Variants in SLC41A3 observed in about 807,000 individuals in gnomAD.
SLC41A3 encodes solute carrier family 41 member 3, also known as SLC41A1-like 2.
SLC41A3 carries 44 observed loss-of-function variants against 45.4 expected under a neutral mutation model. The ratio of observed to expected loss-of-function variants is 0.97; its 90% CI spans 0.76 to 1.25. The LOEUF is 1.25. Ranked by LOEUF, SLC41A3 falls within the 50% of genes most tolerant of loss-of-function variation. The pLI is 0.00. For synonymous variants in SLC41A3, 256 were observed against 252.4 expected (o/e 1.01, Z -0.13); for missense variants, 550 against 600.6 (o/e 0.92, Z 0.88).
intron 1 of SLC41A3, chr3:126,095,085 G>T: frequency 1.9e-6 from 1 of 535,068 alleles, no homozygotes; most frequent in Non-Finnish European, 3.3e-6. Flanking sequence ...CAGCTGCAAA[G>T]CCAGAAGCAG....
chr3:126,082,493 C>T (rs1333478029), intron 1 of SLC41A3, among the ~76,000 whole-genome samples: 3 of 152,214 alleles, frequency 2.0e-5, no homozygotes, highest in Admixed American at 1.3e-4. Context: ...GACCCTTGTG[C>T]CTTGAAAGGG....
intron 2 of SLC41A3, among the ~76,000 whole-genome samples, chr3:126,065,069 G>A (rs1452145892): frequency 2.0e-5 from 3 of 152,262 alleles, no homozygotes; most frequent in African/African-American, 7.2e-5. Context: ...CTGATAGCCA[G>A]CAAGGAAATG....
At chr3:126,044,895 CAAAAAAAAAAAAAAA>C (rs57581225) in intron 3 of SLC41A3, among the ~76,000 whole-genome samples, 1 of 82,718 alleles carries the variant, frequency 1.2e-5, no homozygotes, top group African/African-American at 6.0e-5. Context: ...GACTCCATCT[CAAAAAAAAAAAAAAA>C]AAAAAAAAAA....
intron 6 of SLC41A3, among the ~76,000 whole-genome samples, chr3:126,020,698 C>CT (rs956407172): frequency 4.6e-5 from 7 of 152,150 alleles, no homozygotes; most frequent in African/African-American, 1.7e-4. Flanking sequence ...TCAATGCAGA[C>CT]TTTAAGTCCG....
intron 1 of SLC41A3, among the ~76,000 whole-genome samples, chr3:126,068,746 C>A (rs1161131858): frequency 6.6e-6 from 1 of 152,168 alleles, no homozygotes; most frequent in East Asian, 1.9e-4. Flanking sequence ...TGACAGCCTG[C>A]AACTGCAGTG....
chr3:126,028,572 G>C (rs1171562799), intron 4 of SLC41A3, among the ~76,000 whole-genome samples: 1 of 152,278 alleles, frequency 6.6e-6, no homozygotes, highest in African/African-American at 2.4e-5. Flanking sequence ...CTACTAGGCA[G>C]TGTTGGGGGA....
chr3:126,071,372 G>A (rs1159716139), intron 1 of SLC41A3, among the ~76,000 whole-genome samples: 1 of 152,034 alleles, frequency 6.6e-6, no homozygotes, highest in Non-Finnish European at 1.5e-5. Flanking sequence ...AATTACAAAC[G>A]TACATATGCC....
intron 1 of SLC41A3, among the ~76,000 whole-genome samples, chr3:126,069,216 G>C (rs970057593): frequency 3.9e-5 from 6 of 152,212 alleles, no homozygotes; most frequent in African/African-American, 1.4e-4. Context: ...AAGGCCCCAA[G>C]TTTGTACCTC....
intron 1 of SLC41A3, among the ~76,000 whole-genome samples, chr3:126,089,456 G>C (rs1027558476): frequency 1.3e-5 from 2 of 152,202 alleles, no homozygotes; most frequent in African/African-American, 4.8e-5. Context: ...AATGGGTACT[G>C]CATTTGACTG....
At chr3:126,023,480 AG>A in intron 5 of SLC41A3, 1 of 153,582 alleles carries the variant, frequency 6.5e-6, no homozygotes, top group Non-Finnish European at 1.4e-5. Flanking sequence ...GGCACAGGGG[AG>A]GGGGGCAGCG....
chr3:126,056,773 C>T, intron 2 of SLC41A3: 1 of 1,383,338 alleles, frequency 7.2e-7, no homozygotes, highest in Non-Finnish European at 9.3e-7. Context: ...TGACTCACGG[C>T]CTCATTACAG....
intron 8 of SLC41A3, 111 bp from the exon 9 acceptor site, chr3:126,012,860 T>G: frequency 4.1e-6 from 6 of 1,473,898 alleles, no homozygotes; most frequent in Non-Finnish European, 5.5e-6. Context: ...AATTCAGTAT[T>G]TCATTATCTT....
chr3:126,092,395 G>T (rs1416230015), intron 1 of SLC41A3, among the ~76,000 whole-genome samples: 1 of 152,202 alleles, frequency 6.6e-6, no homozygotes, highest in African/African-American at 2.4e-5. Context: ...TCCCATAAGG[G>T]ATACTTTTAG....
At chr3:126,023,175 C>A in intron 5 of SLC41A3, 1 of 535,932 alleles carries the variant, frequency 1.9e-6, no homozygotes, top group Middle Eastern at 5.1e-4. Context: ...CACTTTGTGA[C>A]CTGTGCACAT....
At chr3:126,032,923 C>T (rs1015032218) in intron 4 of SLC41A3, among the ~76,000 whole-genome samples, 7 of 152,166 alleles carry the variant, frequency 4.6e-5, no homozygotes, top group African/African-American at 1.2e-4. Context: ...ATAAAGCTAC[C>T]TCCTGTCTAT....
At chr3:126,072,979 A>C (rs1944697265) in intron 1 of SLC41A3, among the ~76,000 whole-genome samples, 1 of 152,238 alleles carries the variant, frequency 6.6e-6, no homozygotes, top group Non-Finnish European at 1.5e-5. Context: ...CATGGATGGA[A>C]CTGGAGGCCA....
At chr3:126,022,726 C>T in intron 6 of SLC41A3, 60 bp downstream of exon 6, 3 of 1,600,706 alleles carry the variant, frequency 1.9e-6, no homozygotes, top group Non-Finnish European at 2.6e-6. Flanking sequence ...TCAGTGGTGA[C>T]CTGCTCCAGG....
At position 126,026,237 on chromosome 3, in the gene SLC41A3, G is replaced by A; in HGVS notation, c.598+98C>T. On this transcript the variant is annotated intron_variant, in intron 5 of 10. Coordinates refer to ENST00000360370, the MANE Select transcript of SLC41A3 (RefSeq NM_017836.4). The surrounding 1 kb of genome is among the most constrained non-coding windows in gnomAD (Gnocchi z 4.2). ...CCACCATCAGTCCCATTAGCAGTGG[G>A]ACTCACACCCCCAGAAACTGAAAAC... The A allele has an allele frequency of 1.3e-6, 2 of 1,489,082 alleles. No individual in the cohort carries two copies. The highest frequency in any genetic ancestry group is 1.8e-6 in the Non-Finnish European group (2 of 1,109,826). The allele number at this position is 1,489,082 out of a possible 1,614,324, so 92.2% of individuals were successfully genotyped here. A position where few individuals can be genotyped will look rare whatever the true frequency, so the allele number is the denominator to read the frequency against.
intron 1 of SLC41A3, among the ~76,000 whole-genome samples, chr3:126,092,091 G>A (rs1275110537): frequency 6.6e-6 from 1 of 152,210 alleles, no homozygotes; most frequent in East Asian, 1.9e-4. Flanking sequence ...ATTTATACTG[G>A]TCCTGCTGGG....
Sources: allele counts gnomAD v4.1 joint callset (sites outside exome capture counted in the v4.1 genomes callset), GRCh38; gene constraint gnomAD v4.1.1; non-coding constraint Gnocchi (gnomAD v3.1); transcripts MANE v1.5; gene names NCBI Gene and HGNC (gene_info 2026-07-23, HGNC 2026-07-21).